Variants in LARGE1 observed in about 807,000 individuals in gnomAD.
LARGE1 encodes the protein LARGE xylosyl- and glucuronyltransferase 1, also known as xylosyl- and glucuronyltransferase LARGE1.
In LARGE1, 43 loss-of-function variants were observed where a neutral mutation model predicts 87.6. That is an observed-to-expected ratio of 0.49 (90% CI 0.38 to 0.63). The LOEUF is 0.63. Ranked by LOEUF, LARGE1 falls within the 30% of genes least tolerant of loss-of-function variation. LARGE1 has a pLI of 0.00. For synonymous variants in LARGE1, 434 were observed against 394.6 expected (o/e 1.10, Z -1.18); for missense variants, 802 against 1,000.2 (o/e 0.80, Z 2.67).
At chr22:33,910,680 A>C (rs1569029110) in intron 1 of LARGE1, among the ~76,000 whole-genome samples, 1 of 152,232 alleles carries the variant, frequency 6.6e-6, no homozygotes, top group Non-Finnish European at 1.5e-5. Flanking sequence ...GAGCAAGTGA[A>C]GGAAACCCCA....
chr22:33,283,367 CAG>C lies in LARGE1; in HGVS notation c.1731-21_1731-20del, dbSNP rs772731954. 3 of 1,614,068 alleles carry C rather than the reference CAG, an allele frequency of 1.9e-6. No individual in the cohort carries two copies. The highest frequency in any genetic ancestry group is 2.2e-5 in the East Asian group (1 of 44,880). On this transcript the variant is annotated intron_variant, in intron 12 of 14. Coordinates refer to ENST00000397394, the MANE Select transcript of LARGE1 (RefSeq NM_133642.5). ...AGACTTCCTGAAAAGAGGGGACAGG[CAG>C]AGAGACAGAGTCCCTGTGACACCAG...
At chr22:33,454,865 G>A (rs773810386) in intron 6 of LARGE1, among the ~76,000 whole-genome samples, 4 of 152,040 alleles carry the variant, frequency 2.6e-5, no homozygotes, top group Admixed American at 6.6e-5. Context: ...AGCATGAAAC[G>A]GATGGTGCTA....
chr22:33,468,417 C>T (rs2068702497), intron 6 of LARGE1, among the ~76,000 whole-genome samples: 1 of 152,146 alleles, frequency 6.6e-6, no homozygotes, highest in Non-Finnish European at 1.5e-5. Context: ...GCCTGGGCAA[C>T]ACAGCAAGCT....
chr22:33,816,795 T>G (rs1230509507), intron 1 of LARGE1, among the ~76,000 whole-genome samples: 1 of 152,132 alleles, frequency 6.6e-6, no homozygotes, highest in Non-Finnish European at 1.5e-5. Flanking sequence ...AATTCAGGCA[T>G]ATCTGGCCAC....
At position 33,224,431 on chromosome 22, in the gene LARGE1, A is replaced by G. The variant is rs113420680; in HGVS notation, c.1731-57599T>C. On this transcript the variant is annotated intron_variant, in intron 11 of 11. Transcript: ENST00000608642. Reference sequence around the variant, plus strand: ...ACTTTTTCCATACCCATATTGTGCCAGCGCTATTATCTCCTTTAAATTGAC... The same window carrying G: ...ACTTTTTCCATACCCATATTGTGCCGGCGCTATTATCTCCTTTAAATTGAC... Among the ~76,000 whole-genome samples, 366 of 152,272 alleles carry G rather than the reference A, an allele frequency of 2.4e-3. 1 individual carries two copies. The highest frequency in any genetic ancestry group is 0.01 in the Middle Eastern group (3 of 294).
At position 33,272,963 on chromosome 22, in the gene LARGE1, T is replaced by C. The variant is rs941395970; in HGVS notation, c.*1464A>G. 3 of 155,378 alleles carry C rather than the reference T, an allele frequency of 1.9e-5. No homozygotes were observed. The highest frequency in any genetic ancestry group is 4.8e-5 in the African/African-American group (2 of 41,694). 9.6% of individuals were successfully genotyped at this position (155,378 alleles called of 1,614,324 possible). On this transcript the variant is annotated 3_prime_UTR_variant, in exon 15 of 15. Transcript: ENST00000397394. Reference sequence around the variant, plus strand: ...AAAAAAAAGGCTAAAGTTCAAATGATGAGAAAAATAGAATGGGGGAACAGA... The same window carrying C: ...AAAAAAAAGGCTAAAGTTCAAATGACGAGAAAAATAGAATGGGGGAACAGA...
chr22:33,499,826 T>A (rs1487438249), intron 6 of LARGE1, among the ~76,000 whole-genome samples: 1 of 152,120 alleles, frequency 6.6e-6, no homozygotes, highest in Non-Finnish European at 1.5e-5. Flanking sequence ...CAGGCTAGAG[T>A]GCAATGGTGC....
At chr22:33,160,768 C>A (rs572166622), downstream of LARGE1, among the ~76,000 whole-genome samples, 2 of 152,342 alleles carry the variant, frequency 1.3e-5, no homozygotes, top group East Asian at 3.9e-4. Context: ...CCTTTTCATA[C>A]AGCATTTGCT....
intron 2 of LARGE1, among the ~76,000 whole-genome samples, chr22:33,736,871 T>G (rs2083673593): frequency 6.6e-6 from 1 of 152,162 alleles, no homozygotes; most frequent in Admixed American, 6.5e-5. Flanking sequence ...GCCACCATAT[T>G]TTAGATTCTA....
At chr22:33,216,366 C>T (rs939678798) in intron 11 of LARGE1, among the ~76,000 whole-genome samples, 10 of 152,006 alleles carry the variant, frequency 6.6e-5, no homozygotes, top group Non-Finnish European at 1.3e-4. Context: ...TGGTGGCTCA[C>T]GCCTGTAATC....
At chr22:33,718,204 G>C (rs779936753) in intron 2 of LARGE1, among the ~76,000 whole-genome samples, 10 of 152,124 alleles carry the variant, frequency 6.6e-5, no homozygotes, top group Non-Finnish European at 1.5e-4. Flanking sequence ...CAAACACCTG[G>C]GGATCAATAC....
chr22:33,396,426 TGAGA>T (rs1390278063), intron 7 of LARGE1, among the ~76,000 whole-genome samples: 1 of 143,416 alleles, frequency 7.0e-6, no homozygotes, highest in Non-Finnish European at 1.5e-5. Context: ...GAAAGCTTTT[TGAGA>T]GAGAAAGACA....
At chr22:33,114,607 C>T in the LARGE1 span, among the ~76,000 whole-genome samples, 2 of 152,170 alleles carry the variant, frequency 1.3e-5, no homozygotes, top group Non-Finnish European at 1.5e-5. Flanking sequence ...GTGTATCTTC[C>T]CTTACTTTTG....
chr22:33,706,889 G>T (rs2082579615), intron 2 of LARGE1, among the ~76,000 whole-genome samples: 1 of 152,180 alleles, frequency 6.6e-6, no homozygotes, highest in Non-Finnish European at 1.5e-5. Flanking sequence ...CTTTAGTCCA[G>T]TGAGACTGAT....
chr22:33,468,157 C>G (rs1299067825), intron 6 of LARGE1, among the ~76,000 whole-genome samples: 2 of 152,178 alleles, frequency 1.3e-5, no homozygotes, highest in Admixed American at 1.3e-4. Context: ...GATCTTGTGA[C>G]TCTTTGATCA....
intron 7 of LARGE1, among the ~76,000 whole-genome samples, chr22:33,415,766 G>C (rs567778585): frequency 1.3e-5 from 2 of 152,314 alleles, no homozygotes; most frequent in South Asian, 4.1e-4. Context: ...AGCCCTGAGA[G>C]ATGAACACTT....
chr22:33,406,874 C>A (rs1407882716), intron 7 of LARGE1, among the ~76,000 whole-genome samples: 1 of 152,038 alleles, frequency 6.6e-6, no homozygotes, highest in Non-Finnish European at 1.5e-5. Context: ...CTCACTGCAA[C>A]CTCCACCTCC....
intron 2 of LARGE1, among the ~76,000 whole-genome samples, chr22:33,719,785 A>G (rs992581095): frequency 6.6e-6 from 1 of 152,046 alleles, no homozygotes; most frequent in Non-Finnish European, 1.5e-5. Flanking sequence ...CTCCCAAAGT[A>G]CTGGGATTAC....
intron 2 of LARGE1, among the ~76,000 whole-genome samples, chr22:33,741,340 T>A (rs1364824198): frequency 6.6e-6 from 1 of 152,174 alleles, no homozygotes; most frequent in East Asian, 1.9e-4. Context: ...AACTACTGAA[T>A]GCACTCCCAC....
Sources: allele counts gnomAD v4.1 joint callset (sites outside exome capture counted in the v4.1 genomes callset), GRCh38; gene constraint gnomAD v4.1.1; transcripts MANE v1.5; gene names NCBI Gene and HGNC (gene_info 2026-07-23, HGNC 2026-07-21).